DCAF5: variants seen among roughly 807,000 people sequenced by gnomAD.
DCAF5 encodes DDB1- and CUL4-associated factor 5.
Under a neutral mutation model 80.7 loss-of-function variants are expected in DCAF5, and 9 were observed. The ratio of observed to expected loss-of-function variants is 0.11; its 90% CI spans 0.07 to 0.19. The LOEUF (loss-of-function observed/expected upper bound fraction) is 0.19, where lower values mean the gene tolerates loss of function less well. Ranked by LOEUF, DCAF5 falls within the 10% of genes least tolerant of loss-of-function variation. The probability of loss-of-function intolerance (pLI) is 1.00; values close to 1 mark genes in which losing one functional copy is unlikely to be tolerated. For missense variants in DCAF5, 842 were observed against 1,205.7 expected (o/e 0.70, Z 4.47); for synonymous variants, 433 against 461.9 (o/e 0.94, Z 0.80).
In DCAF5 at chr14:69,152,985, A is replaced by ACCG. The variant is rs769501663; in HGVS notation, c.-10_-8dup. On this transcript the variant is annotated 5_prime_UTR_variant, in exon 1 of 9. Coordinates refer to ENST00000341516, the MANE Select transcript of DCAF5 (RefSeq NM_003861.3). The surrounding 1 kb of genome is among the most constrained non-coding windows in gnomAD (Gnocchi z 4.1). ...GGCCAGCTCTCCTCTTCATGCTGGA[A>ACCG]CCGCCGCCGCCGCCGCTCGCGCCGC... 3.3e-4 allele frequency: 505 copies of ACCG among 1,544,102 alleles called. No individual in the cohort carries two copies. The highest frequency in any genetic ancestry group is 3.9e-4 in the Non-Finnish European group (452 of 1,149,782).
At chr14:69,117,606 G>A (rs1178720014) in intron 4 of DCAF5, among the ~76,000 whole-genome samples, 2 of 152,148 alleles carry the variant, frequency 1.3e-5, no homozygotes, top group Non-Finnish European at 2.9e-5. Flanking sequence ...ATTTCCTGAA[G>A]AACTTCAGAG....
At position 69,054,547 on chromosome 14, in the gene DCAF5, GT is replaced by G. The variant is rs1396972809; in HGVS notation, c.2138del (p.Asn713ThrfsTer2). Reference protein sequence around the residue: ...APSSSKEACLNIAMAQRNQDL... With the variant: ...APSSSKEACLXIAMAQRNQDL... ...CCTGGTTCCTCTGGGCCATTGCTAT[GT>G]TTAGACAGGCTTCCTTACTGGAAGA... On this transcript the variant is annotated frameshift_variant, in exon 9 of 9. Transcript: ENST00000341516. LOFTEE classifies it high-confidence loss of function. 1 of 1,614,102 alleles carries G rather than the reference GT, an allele frequency of 6.2e-7. No individual in the cohort carries two copies. The highest frequency in any genetic ancestry group is 1.3e-5 in the African/African-American group (1 of 74,950).
At chr14:69,120,326 C>T (rs981085099) in intron 2 of DCAF5, among the ~76,000 whole-genome samples, 2 of 152,074 alleles carry the variant, frequency 1.3e-5, no homozygotes, top group Non-Finnish European at 2.9e-5. Context: ...TCTCAAACTC[C>T]TGGGCTCAAG....
At chr14:69,077,666 C>T (rs1436690816) in intron 6 of DCAF5, among the ~76,000 whole-genome samples, 1 of 152,184 alleles carries the variant, frequency 6.6e-6, no homozygotes, top group Non-Finnish European at 1.5e-5. Context: ...GAATAGGCTA[C>T]ACGCCTAGCC....
At chr14:69,102,328 C>T (rs914139765) in intron 5 of DCAF5, among the ~76,000 whole-genome samples, 7 of 151,780 alleles carry the variant, frequency 4.6e-5, no homozygotes, top group African/African-American at 1.5e-4. Flanking sequence ...AGGCTGGTCT[C>T]GAACTCCCGA....
chr14:69,148,990 A>G (rs1191391937), intron 1 of DCAF5, among the ~76,000 whole-genome samples: 4 of 152,222 alleles, frequency 2.6e-5, no homozygotes, highest in Non-Finnish European at 5.9e-5. Flanking sequence ...GCTAATCTGC[A>G]CTGGTCTATT....
chr14:69,054,114 C>T lies in DCAF5; in HGVS notation c.2572G>A (p.Ala858Thr). Reference sequence around the variant, plus strand: ...TCTGAGTGTCCTGGGGAAGAGTAGGCCACCACCTCCAGCTCCCCCAAGTTC... The same window carrying T: ...TCTGAGTGTCCTGGGGAAGAGTAGGTCACCACCTCCAGCTCCCCCAAGTTC... ...GQNLGELEVV[A>T]YSSPGHSDTD... is the part of the protein sequence containing the mutation. The change falls in exon 9 of 9, where the codon GCC becomes ACC. Residue 858 changes from alanine (A) to threonine (T), a missense_variant. Coordinates refer to ENST00000341516, the MANE Select transcript of DCAF5 (RefSeq NM_003861.3). 1 of 1,614,230 alleles carries T rather than the reference C, an allele frequency of 6.2e-7. No individual in the cohort carries two copies.
intron 8 of DCAF5, among the ~76,000 whole-genome samples, chr14:69,058,473 C>T (rs368450329): frequency 8.6e-5 from 13 of 151,936 alleles, no homozygotes; most frequent in East Asian, 7.7e-4. Flanking sequence ...GAGCCGAGAT[C>T]GCGCCACTGC....
chr14:69,082,140 G>T (rs1308820314), intron 6 of DCAF5, among the ~76,000 whole-genome samples: 18 of 152,166 alleles, frequency 1.2e-4, no homozygotes, highest in Admixed American at 1.2e-3. Context: ...CCAGAAAAAG[G>T]TTTGCTAACT....
chr14:69,145,025 C>T (rs915558890), intron 1 of DCAF5, among the ~76,000 whole-genome samples: 3 of 152,202 alleles, frequency 2.0e-5, no homozygotes, highest in African/African-American at 7.2e-5. Context: ...ATCATCTTTT[C>T]ATTTTTGCCA....
chr14:69,105,946 T>TATATATATATATATATAG (rs2040142621), intron 5 of DCAF5, among the ~76,000 whole-genome samples: 1 of 126,150 alleles, frequency 7.9e-6, no homozygotes, highest in Non-Finnish European at 1.7e-5. Flanking sequence ...TATATATATA[T>TATATATATATATATATAG]CTCCTATTGG....
At chr14:69,103,117 G>A (rs918101596) in intron 5 of DCAF5, among the ~76,000 whole-genome samples, 4 of 152,174 alleles carry the variant, frequency 2.6e-5, no homozygotes, top group African/African-American at 7.2e-5. Flanking sequence ...CAGAACACAC[G>A]TGTATATGGA....
intron 1 of DCAF5, among the ~76,000 whole-genome samples, chr14:69,147,909 C>T (rs1214784192): frequency 6.6e-6 from 1 of 152,036 alleles, no homozygotes; most frequent in Admixed American, 6.6e-5. Context: ...CCTTAAACTT[C>T]GATTCAGGGG....
intron 1 of DCAF5, among the ~76,000 whole-genome samples, chr14:69,141,518 A>G (rs1433828440): frequency 2.0e-5 from 3 of 152,250 alleles, no homozygotes; most frequent in African/African-American, 4.8e-5. Context: ...GCCACCCCAC[A>G]ACAGGCCCCA....
intron 6 of DCAF5, among the ~76,000 whole-genome samples, chr14:69,086,878 A>G (rs1235696447): frequency 1.3e-5 from 2 of 152,198 alleles, no homozygotes; most frequent in Non-Finnish European, 2.9e-5. Flanking sequence ...GCCATCTATC[A>G]AGTTCAAAAG....
chr14:69,081,793 A>T (rs1004303849), intron 6 of DCAF5, among the ~76,000 whole-genome samples: 1 of 152,162 alleles, frequency 6.6e-6, no homozygotes, highest in African/African-American at 2.4e-5. Context: ...GTGCGTGCTT[A>T]CACAGGATTT....
intron 8 of DCAF5, among the ~76,000 whole-genome samples, chr14:69,059,766 T>G (rs2038133308): frequency 6.6e-6 from 1 of 152,208 alleles, no homozygotes; most frequent in South Asian, 2.1e-4. Context: ...CAGAGCTTTT[T>G]GCTTTCCTTC....
chr14:69,130,138 T>A (rs899930127), intron 1 of DCAF5, among the ~76,000 whole-genome samples: 1 of 152,198 alleles, frequency 6.6e-6, no homozygotes, highest in South Asian at 2.1e-4. Flanking sequence ...TCTTATTTTA[T>A]TGCTCAGAAA....
At chr14:69,074,561 T>C (rs903789106) in intron 7 of DCAF5, among the ~76,000 whole-genome samples, 2 of 152,198 alleles carry the variant, frequency 1.3e-5, no homozygotes, top group Non-Finnish European at 2.9e-5. Context: ...TTCTTTGACG[T>C]CCTGGGTCAA....
Sources: allele counts gnomAD v4.1 joint callset (sites outside exome capture counted in the v4.1 genomes callset), GRCh38; gene constraint gnomAD v4.1.1; non-coding constraint Gnocchi (gnomAD v3.1); transcripts MANE v1.5; gene names NCBI Gene and HGNC (gene_info 2026-07-23, HGNC 2026-07-21).